EVI5L: variants seen among roughly 807,000 people sequenced by gnomAD.
The protein encoded by EVI5L is ecotropic viral integration site 5 like, also known as EVI5-like protein.
EVI5L carries 30 observed loss-of-function variants against 106.1 expected under a neutral mutation model. The ratio of observed to expected loss-of-function variants is 0.28; its 90% CI spans 0.21 to 0.38. The LOEUF (loss-of-function observed/expected upper bound fraction) is 0.38, where lower values mean the gene tolerates loss of function less well. Ranked by LOEUF, EVI5L falls within the 10% of genes least tolerant of loss-of-function variation. EVI5L has a pLI of 1.00. For synonymous variants in EVI5L, 489 were observed against 483.3 expected (o/e 1.01, Z -0.15); for missense variants, 809 against 1,098.0 (o/e 0.74, Z 3.72).
At chr19:7,849,868 G>A in intron 5 of EVI5L, 129 bp from the exon 6 acceptor site, 1 of 721,748 alleles carries the variant, frequency 1.4e-6, no homozygotes, top group Non-Finnish European at 2.3e-6. Context: ...CCAACAGTGT[G>A]TCATGAGAGT....
chr19:7,834,038 T>C (rs2146409535), intron 1 of EVI5L, among the ~76,000 whole-genome samples: 1 of 152,270 alleles, frequency 6.6e-6, no homozygotes, highest in South Asian at 2.1e-4. Flanking sequence ...CACGATATGC[T>C]TGTGAGAGTG....
intron 1 of EVI5L, among the ~76,000 whole-genome samples, chr19:7,841,500 C>G (rs1978600922): frequency 6.6e-6 from 1 of 152,034 alleles, no homozygotes; most frequent in Admixed American, 6.6e-5. Flanking sequence ...GACCAGCATT[C>G]CAGCACTTTC....
At position 7,830,239 on chromosome 19, in the gene EVI5L, G is replaced by T. The variant is rs1200476289; in HGVS notation, c.-190G>T. 3 of 152,236 alleles carry T rather than the reference G, an allele frequency of 2.0e-5. No homozygotes were observed. Among genetic ancestry groups the T allele is most frequent in the East Asian group, 3.9e-4 (2 of 5,178 alleles). The allele number at this position is 152,236 out of a possible 1,614,324, so 9.4% of individuals were successfully genotyped here. A position where few individuals can be genotyped will look rare whatever the true frequency, so the allele number is the denominator to read the frequency against. ...TCCTGTCAGCGGGTGAAATGGCAGC[G>T]GCGGAGCCGGCGGCGGCCGCGGTCC... On this transcript the variant is annotated 5_prime_UTR_variant, in exon 1 of 20. Transcript: ENST00000538904.
In EVI5L at chr19:7,858,524, T is replaced by TATC; in HGVS notation, c.1374+194_1374+196dup. 1 of 708,796 alleles carries TATC rather than the reference T, an allele frequency of 1.4e-6. No individual in the cohort carries two copies. The highest frequency in any genetic ancestry group is 3.0e-5 in the Admixed American group (1 of 33,110). The allele number at this position is 708,796 out of a possible 1,614,324, so 43.9% of individuals were successfully genotyped here. A position where few individuals can be genotyped will look rare whatever the true frequency, so the allele number is the denominator to read the frequency against. ...AGCTCCACATTCTGAGACATCCTGA[T>TATC]ATCCATTTCTTGCCACCTCATAGTG... On this transcript the variant is annotated intron_variant, in intron 13 of 19. Transcript: ENST00000538904. The surrounding 1 kb of genome is among the most constrained non-coding windows in gnomAD (Gnocchi z 5.7).
chr19:7,848,800 C>T lies in EVI5L; in HGVS notation c.328-121C>T. The T allele has an allele frequency of 2.3e-6, 2 of 872,230 alleles. No homozygotes were observed. Among genetic ancestry groups the T allele is most frequent in the African/African-American group, 1.7e-5 (1 of 59,132 alleles). The allele number at this position is 872,230 out of a possible 1,614,324, so 54.0% of individuals were successfully genotyped here. ...AAGGGGGTAAAAAAAGGATTGGGGA[C>T]CATGAGTTCTGTGCCATGCTTGAGG... On this transcript the variant is annotated intron_variant, in intron 3 of 19. Coordinates refer to ENST00000538904, the MANE Select transcript of EVI5L (RefSeq NM_001159944.3). This position sits in a 1 kb window ranked among gnomAD's most constrained non-coding sequence, Gnocchi z 4.8.
Position 7,849,239 on chromosome 19 carries a change from G to A in EVI5L, c.553-17G>A, listed in dbSNP as rs778026822. 3 of 1,614,140 alleles carry A rather than the reference G, an allele frequency of 1.9e-6. No individual in the cohort carries two copies. The highest frequency in any genetic ancestry group is 1.3e-5 in the African/African-American group (1 of 75,062). ...CTGGACGGCGGGACCCTGCTCTCAG[G>A]ACTTGTTCCCTTCTAGGCATACTCG... On this transcript the variant is annotated splice_polypyrimidine_tract_variant and intron_variant, in intron 4 of 19. Transcript: ENST00000538904.
At position 7,856,017 on chromosome 19, in the gene EVI5L, A is replaced by G. The variant is rs747721560; in HGVS notation, c.1149A>G (p.Arg383=). ...KEMEEQIEIK[R]LRTENRLLKQ... is the part of the protein sequence containing the mutation. Reference sequence around the variant, plus strand: ...GTGATCTCCCCCCACCCCCATAGAGACTTCGGACGGAGAACCGGCTCCTGA... The same window carrying G: ...GTGATCTCCCCCCACCCCCATAGAGGCTTCGGACGGAGAACCGGCTCCTGA... Residue 383 remains arginine, a splice_region_variant and synonymous_variant, in exon 11 of 20, where the codon AGA becomes AGG. Transcript: ENST00000538904. This position sits in a 1 kb window ranked among gnomAD's most constrained non-coding sequence, Gnocchi z 6.6. The G allele has an allele frequency of 7.5e-7, 1 of 1,328,112 alleles. No homozygotes were observed. Among genetic ancestry groups the G allele is most frequent in the South Asian group, 2.7e-5 (1 of 37,026 alleles). 82.3% of individuals were successfully genotyped at this position (1,328,112 alleles called of 1,614,324 possible). A position where few individuals can be genotyped will look rare whatever the true frequency, so the allele number is the denominator to read the frequency against.
chr19:7,853,264 G>T lies in EVI5L; in HGVS notation c.1086-9G>T. On this transcript the variant is annotated splice_polypyrimidine_tract_variant and intron_variant, in intron 9 of 19. Coordinates refer to ENST00000538904, the MANE Select transcript of EVI5L (RefSeq NM_001159944.3). ...ATGACAGTAACCACGGGGCCCTCCC[G>T]ATCTGCAGGCTGGAGAAGGAGTACG... is the stretch of plus-strand genomic sequence containing the variant. The T allele has an allele frequency of 6.2e-7, 1 of 1,613,858 alleles. No individual in the cohort carries two copies. The highest frequency in any genetic ancestry group is 8.5e-7 in the Non-Finnish European group (1 of 1,179,922).
intron 1 of EVI5L, among the ~76,000 whole-genome samples, chr19:7,843,699 T>A (rs941343390): frequency 4.6e-5 from 7 of 151,874 alleles, no homozygotes; most frequent in Non-Finnish European, 8.8e-5. Context: ...AGAATAGGCA[T>A]GGGTGTGTGT....
At chr19:7,836,660 G>A (rs1467773241) in intron 1 of EVI5L, among the ~76,000 whole-genome samples, 4 of 150,544 alleles carry the variant, frequency 2.7e-5, no homozygotes, top group African/African-American at 9.8e-5. Flanking sequence ...TTTTTTAGAC[G>A]GAGTCTCTCA....
At position 7,833,464 on chromosome 19, in the gene EVI5L, G is replaced by A. The variant is rs1024246121; in HGVS notation, c.-48+3083G>A. The stretch of plus-strand genomic sequence containing the variant: ...GCCATCCTGGCCTGAGGCCTGCTGC[G>A]GGGAGCATGAGACAGAATTATGTAC... On this transcript the variant is annotated intron_variant, in intron 1 of 19. Transcript: ENST00000538904. 5.3e-5 allele frequency among the ~76,000 whole-genome samples: 8 copies of A among 152,240 alleles called. 1 individual carries two copies. The South Asian group carries it at 1.4e-3, about 28-fold the overall frequency.
rs1302498867 is a variant in EVI5L, at chr19:7,863,660, C to T, written c.2376C>T (p.Ala792=). The T allele has an allele frequency of 2.6e-6, 4 of 1,536,178 alleles. No individual in the cohort carries two copies. The East Asian group carries it at 7.4e-5, about 28-fold the overall frequency. ...GCGAGGGCAGCTCAGACAGCGACGC[C>T]GATGAGCTGGCCGCGCCCTACAGCC... is the stretch of plus-strand genomic sequence containing the variant. The part of the protein sequence containing the change: ...KDSEGSSDSD[A]DELAAPYSQG... The change falls in exon 20 of 20, where the codon GCC becomes GCT. Residue 792 remains alanine, a synonymous_variant. Transcript: ENST00000538904. The surrounding 1 kb of genome is among the most constrained non-coding windows in gnomAD (Gnocchi z 7.7).
At chr19:7,861,845 C>T in intron 14 of EVI5L, 33 bp from the exon 15 acceptor site, 2 of 1,549,020 alleles carry the variant, frequency 1.3e-6, no homozygotes, top group Non-Finnish European at 1.7e-6. Flanking sequence ...GGCTGCGCTG[C>T]TCCCCCAGGC....
intron 10 of EVI5L, among the ~76,000 whole-genome samples, chr19:7,854,492 C>T (rs988045905): frequency 6.6e-5 from 10 of 151,860 alleles, no homozygotes; most frequent in South Asian, 2.1e-4. Context: ...CCAGCTCCAG[C>T]GGCACAGTGG....
intron 10 of EVI5L, chr19:7,853,592 G>A: frequency 1.8e-6 from 1 of 571,278 alleles, no homozygotes; most frequent in South Asian, 2.0e-5. Flanking sequence ...TCATGGGGAA[G>A]CAATCAATAA....
intron 1 of EVI5L, among the ~76,000 whole-genome samples, chr19:7,836,629 A>G (rs1182392508): frequency 6.6e-6 from 1 of 150,800 alleles, no homozygotes; most frequent in Non-Finnish European, 1.5e-5. Context: ...AGAAATTTCT[A>G]TTTTTATTTT....
At position 7,858,019 on chromosome 19, in the gene EVI5L, C is replaced by T. The variant is rs1374177910; in HGVS notation, c.1234-172C>T. The T allele has an allele frequency of 3.5e-5, 25 of 705,864 alleles. No homozygotes were observed. Among genetic ancestry groups the T allele is most frequent in the South Asian group, 3.8e-5 (2 of 52,482 alleles). The allele number at this position is 705,864 out of a possible 1,614,324, so 43.7% of individuals were successfully genotyped here. ...TGTCCTATTCCTGCCTGTCACCCAC[C>T]CACGTCCCCAGGCCCAGTGGGACGC... On this transcript the variant is annotated intron_variant, in intron 12 of 19. Transcript: ENST00000538904. This position sits in a 1 kb window ranked among gnomAD's most constrained non-coding sequence, Gnocchi z 5.7.
At chr19:7,862,684 T>A in intron 17 of EVI5L, 150 bp downstream of exon 17, 1 of 429,086 alleles carries the variant, frequency 2.3e-6, no homozygotes, top group Non-Finnish European at 3.1e-6. Flanking sequence ...CGGCCCCGCC[T>A]CCTGACCTGC....
At position 7,857,409 on chromosome 19, in the gene EVI5L, C is replaced by G; in HGVS notation, c.1233+285C>G. On this transcript the variant is annotated intron_variant, in intron 12 of 19. Transcript: ENST00000538904. This position sits in a 1 kb window ranked among gnomAD's most constrained non-coding sequence, Gnocchi z 4.5. Reference sequence around the variant, plus strand: ...CTCCGGGCGACACAGGGTGGGGACCCAGGAGGGCTGGGGAACCTAAAACCA... The same window carrying G: ...CTCCGGGCGACACAGGGTGGGGACCGAGGAGGGCTGGGGAACCTAAAACCA... 1 of 583,394 alleles carries G rather than the reference C, an allele frequency of 1.7e-6. No individual in the cohort carries two copies. Among genetic ancestry groups the G allele is most frequent in the Non-Finnish European group, 3.1e-6 (1 of 326,294 alleles). The allele number at this position is 583,394 out of a possible 1,614,324, so 36.1% of individuals were successfully genotyped here.
Sources: allele counts gnomAD v4.1 joint callset (sites outside exome capture counted in the v4.1 genomes callset), GRCh38; gene constraint gnomAD v4.1.1; non-coding constraint Gnocchi (gnomAD v3.1); transcripts MANE v1.5; gene names NCBI Gene and HGNC (gene_info 2026-07-23, HGNC 2026-07-21).